The following CNTN4 variants were observed in gnomAD, a reference collection of about 807,000 sequenced individuals.
CNTN4 encodes the protein contactin-4.
CNTN4 carries 77 observed loss-of-function variants against 122.5 expected under a neutral mutation model. The observed-to-expected ratio is 0.63, with a 90% confidence interval of 0.52 to 0.76. CNTN4 has a LOEUF of 0.76. Ranked by LOEUF, CNTN4 falls within the 30% of genes least tolerant of loss-of-function variation. The pLI, the probability that CNTN4 is intolerant of heterozygous loss-of-function variation, is 0.00. For missense variants in CNTN4, 1,256 were observed against 1,259.1 expected, an observed-to-expected ratio of 1.00 and a Z score of 0.04; for synonymous variants, 512 against 447.0, an observed-to-expected ratio of 1.15 and a Z score of -1.83.
chr3:2,444,640 G>A (rs771356758), intron 3 of CNTN4, among the ~76,000 whole-genome samples: 2 of 152,026 alleles, frequency 1.3e-5, no homozygotes, highest in Non-Finnish European at 2.9e-5. Flanking sequence ...GATCAAAGTA[G>A]GATTTTAAAT....
At chr3:2,641,725 A>G (rs78839370) in intron 4 of CNTN4, among the ~76,000 whole-genome samples, 1 of 152,166 alleles carries the variant, frequency 6.6e-6, no homozygotes, top group Non-Finnish European at 1.5e-5. Flanking sequence ...ATTTGGTATC[A>G]TGGAGGTGAA....
intron 3 of CNTN4, among the ~76,000 whole-genome samples, chr3:2,535,417 G>C (rs1187751429): frequency 6.6e-6 from 1 of 152,072 alleles, no homozygotes; most frequent in Non-Finnish European, 1.5e-5. Flanking sequence ...GGCTTCTTCT[G>C]TGTTTTTTCT....
intron 3 of CNTN4, among the ~76,000 whole-genome samples, chr3:2,555,995 C>G (rs973099698): frequency 6.6e-6 from 1 of 152,162 alleles, no homozygotes; most frequent in Non-Finnish European, 1.5e-5. Flanking sequence ...AAGACTCCTA[C>G]CTTATGACAA....
intron 3 of CNTN4, among the ~76,000 whole-genome samples, chr3:2,435,955 A>G (rs1401349805): frequency 6.6e-6 from 1 of 152,202 alleles, no homozygotes; most frequent in Non-Finnish European, 1.5e-5. Context: ...TGTTAAGGCA[A>G]TTGAAGAGAC....
At chr3:2,585,324 C>A (rs2080138670) in intron 4 of CNTN4, among the ~76,000 whole-genome samples, 1 of 151,136 alleles carries the variant, frequency 6.6e-6, no homozygotes, top group African/African-American at 2.4e-5. Flanking sequence ...TTTGACCCAG[C>A]CATCCCCTTA....
chr3:2,612,705 C>G (rs1422692997), intron 4 of CNTN4, among the ~76,000 whole-genome samples: 2 of 152,086 alleles, frequency 1.3e-5, no homozygotes, highest in Non-Finnish European at 2.9e-5. Flanking sequence ...TATCTTATTT[C>G]TTACTCTTTA....
At chr3:2,813,312 A>T (rs1333307386) in intron 6 of CNTN4, among the ~76,000 whole-genome samples, 1 of 152,214 alleles carries the variant, frequency 6.6e-6, no homozygotes, top group East Asian at 1.9e-4. Flanking sequence ...TTTAAAAGGA[A>T]GCAATAACAA....
intron 2 of CNTN4, among the ~76,000 whole-genome samples, chr3:2,278,328 G>C (rs78852374): frequency 1.3e-5 from 2 of 152,298 alleles, no homozygotes; most frequent in Admixed American, 6.5e-5. Flanking sequence ...CTTTGGACAT[G>C]CATTCCTACT....
intron 2 of CNTN4, among the ~76,000 whole-genome samples, chr3:2,104,065 T>G (rs1377132394): frequency 6.6e-6 from 1 of 152,238 alleles, no homozygotes; most frequent in Non-Finnish European, 1.5e-5. Flanking sequence ...CTTCTTACCA[T>G]GTAGGTAGGC....
chr3:2,594,275 G>A (rs982179743), intron 4 of CNTN4, among the ~76,000 whole-genome samples: 2 of 151,944 alleles, frequency 1.3e-5, no homozygotes, highest in South Asian at 2.1e-4. Context: ...GATCCCTTGA[G>A]GCCAATTCTA....
At chr3:2,099,960 A>T (rs1024950135) in intron 1 of CNTN4, among the ~76,000 whole-genome samples, 7 of 152,354 alleles carry the variant, frequency 4.6e-5, no homozygotes, top group African/African-American at 1.2e-4. Context: ...TGAACCAGCC[A>T]GAGAGTCGGC....
chr3:2,350,419 G>A lies in CNTN4; in HGVS notation c.-89+11186G>A, dbSNP rs531640635. Among the ~76,000 whole-genome samples the A allele has an allele frequency of 2.0e-5, 3 of 152,272 alleles. No individual in the cohort carries two copies. In the East Asian group the frequency reaches 5.8e-4, roughly 29 times the overall value. On this transcript the variant is annotated intron_variant, in intron 3 of 24. Transcript: ENST00000418658. ...GGAAAATAAAAGCTTCCACCAAGTGGTTGGTGGCAGTGAAACAAAAGGAGC... is the reference window on the plus strand; with the variant it reads ...GGAAAATAAAAGCTTCCACCAAGTGATTGGTGGCAGTGAAACAAAAGGAGC...
At chr3:2,625,140 TC>T (rs1255881164) in intron 4 of CNTN4, among the ~76,000 whole-genome samples, 2 of 152,174 alleles carry the variant, frequency 1.3e-5, no homozygotes, top group African/African-American at 4.8e-5. Flanking sequence ...AGTATTGTTT[TC>T]AGTACATACT....
chr3:2,786,340 G>A (rs777689533), intron 6 of CNTN4, among the ~76,000 whole-genome samples: 1 of 152,120 alleles, frequency 6.6e-6, no homozygotes, highest in Non-Finnish European at 1.5e-5. Flanking sequence ...CATACCTTCC[G>A]GGGCTCCGGG....
intron 14 of CNTN4, among the ~76,000 whole-genome samples, chr3:2,991,020 T>C (rs573329527): frequency 2.2e-4 from 34 of 152,182 alleles, no homozygotes; most frequent in Admixed American, 5.2e-4. Context: ...GTACTAAATA[T>C]GCATTGTTAT....
Position 2,567,691 on chromosome 3 carries a change from C to T in CNTN4, c.-88-3725C>T, listed in dbSNP as rs552354939. 1.4e-4 allele frequency among the ~76,000 whole-genome samples: 22 copies of T among 152,274 alleles called. No homozygotes were observed. In the Middle Eastern group the frequency reaches 0.01, roughly 71 times the overall value. ...AGCACAAGTTAGATTCTGCAGTCTA[C>T]GCTTTTCATTTTCTTGCACTGCTGT... On this transcript the variant is annotated intron_variant, in intron 3 of 24. Coordinates refer to ENST00000418658, the MANE Select transcript of CNTN4 (RefSeq NM_175607.3).
At chr3:2,388,755 G>C (rs958795633) in intron 3 of CNTN4, among the ~76,000 whole-genome samples, 2 of 152,112 alleles carry the variant, frequency 1.3e-5, no homozygotes, top group African/African-American at 4.8e-5. Context: ...TGAGGCAGGA[G>C]AATCGCTTCA....
At position 2,900,794 on chromosome 3, in the gene CNTN4, A is replaced by C; in HGVS notation, c.1050A>C (p.Leu350=). Residue 350 remains leucine, a synonymous_variant, in exon 11 of 25, where the codon CTA becomes CTC. Transcript: ENST00000418658. ...NGRPKPTYKW[L]KNGEPLLTRD... ...GGCCTAAGCCTACATACAAGTGGCT[A>C]AAAAATGGCGAACCTCTGCTAACTC... 6.2e-7 allele frequency: 1 copy of C among 1,613,928 alleles called. No homozygotes were observed. The highest frequency in any genetic ancestry group is 8.5e-7 in the Non-Finnish European group (1 of 1,179,784).
intron 7 of CNTN4, among the ~76,000 whole-genome samples, chr3:2,836,314 G>T (rs1329562398): frequency 6.6e-6 from 1 of 152,132 alleles, no homozygotes; most frequent in East Asian, 1.9e-4. Context: ...TTGTGGCACA[G>T]CAAAGACAAG....
Sources: gnomAD v4.1 joint callset for allele counts (sites outside exome capture counted in the v4.1 genomes callset) on GRCh38, gnomAD v4.1.1 for gene constraint, MANE v1.5 for transcripts, NCBI Gene and HGNC (gene_info 2026-07-23, HGNC 2026-07-21) for gene names.